CCDC43: variants seen among roughly 807,000 people sequenced by gnomAD.
The protein encoded by CCDC43 is coiled-coil domain-containing protein 43.
A neutral mutation model predicts 33.3 loss-of-function variants in CCDC43; 20 were observed. That is an observed-to-expected ratio of 0.60 (90% CI 0.42 to 0.87). CCDC43 has a LOEUF of 0.87. Ranked by LOEUF, CCDC43 falls within the 40% of genes least tolerant of loss-of-function variation. CCDC43 has a pLI of 0.00. For missense variants in CCDC43, 248 were observed against 269.9 expected (o/e 0.92, Z 0.57); for synonymous variants, 104 against 106.5 (o/e 0.98, Z 0.14).
chr17:44,682,898 T>C (rs1319295295), intron 2 of CCDC43, among the ~76,000 whole-genome samples: 3 of 151,920 alleles, frequency 2.0e-5, no homozygotes, highest in Admixed American at 2.0e-4. Flanking sequence ...TAAAATCAAC[T>C]AGTAAGTTCT....
chr17:44,680,562 T>C (rs1445180627), intron 4 of CCDC43, 23 bp downstream of exon 4: 7 of 1,579,582 alleles, frequency 4.4e-6, no homozygotes, highest in South Asian at 1.1e-5. Flanking sequence ...GAGAAACACA[T>C]AGGGAGGGAC....
At chr17:44,686,193 G>GT (rs1568141330) in intron 1 of CCDC43, among the ~76,000 whole-genome samples, 1 of 152,120 alleles carries the variant, frequency 6.6e-6, no homozygotes, top group East Asian at 1.9e-4. Flanking sequence ...GATTACAGGC[G>GT]TTAGCCACCG....
intron 2 of CCDC43, 71 bp from the exon 3 acceptor site, chr17:44,682,209 A>C: frequency 1.9e-6 from 3 of 1,582,480 alleles, no homozygotes; most frequent in Non-Finnish European, 2.6e-6. Flanking sequence ...TAGTCCACAT[A>C]GGCAGCACTT....
intron 4 of CCDC43, 142 bp from the exon 5 acceptor site, chr17:44,679,185 T>G: frequency 5.9e-6 from 3 of 506,342 alleles, no homozygotes; most frequent in Non-Finnish European, 6.6e-6. Context: ...AAAACCCTTA[T>G]GTTTATCCTT....
Position 44,678,624 on chromosome 17 carries a change from G to A in CCDC43, c.*232C>T. On this transcript the variant is annotated 3_prime_UTR_variant, in exon 5 of 5. Coordinates refer to ENST00000315286, the MANE Select transcript of CCDC43 (RefSeq NM_144609.3). Reference sequence around the variant, plus strand: ...ACTTGAGTATTAAAATATAAAGGTGGCCCCCATTCCAGATCTTTGGTACAG... The same window carrying A: ...ACTTGAGTATTAAAATATAAAGGTGACCCCCATTCCAGATCTTTGGTACAG... 2.5e-6 allele frequency: 1 copy of A among 406,472 alleles called. No individual in the cohort carries two copies. 25.2% of individuals were successfully genotyped at this position (406,472 alleles called of 1,614,324 possible). A position where few individuals can be genotyped will look rare whatever the true frequency, so the allele number is the denominator to read the frequency against.
At chr17:44,681,255 G>T (rs556976925) in intron 3 of CCDC43, among the ~76,000 whole-genome samples, 1 of 152,250 alleles carries the variant, frequency 6.6e-6, no homozygotes, top group Non-Finnish European at 1.5e-5. Flanking sequence ...TGGCTAACAT[G>T]GTGAAACACT....
chr17:44,689,528 G>A (rs375401467), intron 1 of CCDC43, 22 bp downstream of exon 1: 6 of 1,613,698 alleles, frequency 3.7e-6, no homozygotes, highest in Non-Finnish European at 5.1e-6. Context: ...AGAGGCTGAA[G>A]GAATGTGTCC....
In CCDC43 at chr17:44,682,023, A is replaced by T; in HGVS notation, c.408T>A (p.Ala136=). ...QRKAALLAQY[A]DVTDEEDEAD... Reference sequence around the variant, plus strand: ...GATATTCCTCTTCATCTGTCACATCAGCATACTGGGCCAGGAGGGCAGCTT... The same window carrying T: ...GATATTCCTCTTCATCTGTCACATCTGCATACTGGGCCAGGAGGGCAGCTT... The change falls in exon 3 of 5, where the codon GCT becomes GCA. Residue 136 remains alanine (A), a synonymous_variant. Coordinates refer to ENST00000315286, the MANE Select transcript of CCDC43 (RefSeq NM_144609.3). 3 of 1,614,048 alleles carry T rather than the reference A, an allele frequency of 1.9e-6. No individual in the cohort carries two copies. The highest frequency in any genetic ancestry group is 2.5e-6 in the Non-Finnish European group (3 of 1,179,898).
At chr17:44,685,974 C>T (rs1475915429) in intron 1 of CCDC43, among the ~76,000 whole-genome samples, 2 of 152,024 alleles carry the variant, frequency 1.3e-5, no homozygotes, top group East Asian at 1.9e-4. Context: ...AGTGCAGTGG[C>T]GCGATCTCGG....
intron 1 of CCDC43, among the ~76,000 whole-genome samples, chr17:44,685,726 T>C (rs1972224782): frequency 6.6e-6 from 1 of 152,228 alleles, no homozygotes; most frequent in East Asian, 1.9e-4. Flanking sequence ...GCATTTACCA[T>C]GTGCCAGGCA....
At chr17:44,687,653 C>T (rs1256907293) in intron 1 of CCDC43, 1 of 150,476 alleles carries the variant, frequency 6.6e-6, no homozygotes, top group African/African-American at 2.4e-5. Context: ...TCAACAGAAA[C>T]AGCTCCAAAT....
In CCDC43 at chr17:44,678,513, C is replaced by T. The variant is rs1343287844; in HGVS notation, c.*343G>A. 13 of 195,906 alleles carry T rather than the reference C, an allele frequency of 6.6e-5. No individual in the cohort carries two copies. In the Admixed American group the frequency reaches 7.5e-4, roughly 11 times the overall value. 12.1% of individuals were successfully genotyped at this position (195,906 alleles called of 1,614,324 possible). On this transcript the variant is annotated 3_prime_UTR_variant, in exon 5 of 5. Coordinates refer to ENST00000315286, the MANE Select transcript of CCDC43 (RefSeq NM_144609.3). ...GGGAGGGATTGATTATGTTTCTGCTCCTTCAGAATGAAAACTGTTAGCTTT... is the reference window on the plus strand; with the variant it reads ...GGGAGGGATTGATTATGTTTCTGCTTCTTCAGAATGAAAACTGTTAGCTTT...
chr17:44,688,963 C>T (rs1266933078), intron 1 of CCDC43: 2 of 153,286 alleles, frequency 1.3e-5, no homozygotes, highest in African/African-American at 4.8e-5. Context: ...TCATACCCTC[C>T]TTCCCACCAC....
rs183846636 is a variant in CCDC43, at chr17:44,683,450, A to C, written c.292+422T>G. Among the ~76,000 whole-genome samples, 34 of 152,140 alleles carry C rather than the reference A, an allele frequency of 2.2e-4. No individual in the cohort carries two copies. In the East Asian group the frequency reaches 6.4e-3, roughly 29 times the overall value. On this transcript the variant is annotated intron_variant, in intron 2 of 4. Coordinates refer to ENST00000315286, the MANE Select transcript of CCDC43 (RefSeq NM_144609.3). ...AGGCTGAGGCACAAGAATCACTTGAATCTGGGAGGCAGCAGTTACAGTGAG... is the reference window on the plus strand; with the variant it reads ...AGGCTGAGGCACAAGAATCACTTGACTCTGGGAGGCAGCAGTTACAGTGAG...
At chr17:44,685,920 TC>T (rs1972227736) in intron 1 of CCDC43, among the ~76,000 whole-genome samples, 1 of 151,690 alleles carries the variant, frequency 6.6e-6, no homozygotes, top group East Asian at 1.9e-4. Flanking sequence ...GAGCCCATGT[TC>T]TTTTTTTTTT....
intron 1 of CCDC43, among the ~76,000 whole-genome samples, chr17:44,685,391 C>T (rs1000337000): frequency 2.0e-5 from 3 of 152,166 alleles, no homozygotes; most frequent in Non-Finnish European, 2.9e-5. Context: ...CCAACCATCC[C>T]GCTGTCCATT....
Position 44,678,151 on chromosome 17 carries a change from G to A in CCDC43, c.*705C>T, listed in dbSNP as rs1240119902. 1 of 152,506 alleles carries A rather than the reference G, an allele frequency of 6.6e-6. No individual in the cohort carries two copies. The highest frequency in any genetic ancestry group is 1.5e-5 in the Non-Finnish European group (1 of 68,018). 9.4% of individuals were successfully genotyped at this position (152,506 alleles called of 1,614,324 possible). ...GATTAAAATCTCTACCAGCACACAA[G>A]AGGATACATGATTATACAAAATGAA... On this transcript the variant is annotated 3_prime_UTR_variant, in exon 5 of 5. Coordinates refer to ENST00000315286, the MANE Select transcript of CCDC43 (RefSeq NM_144609.3).
intron 2 of CCDC43, among the ~76,000 whole-genome samples, chr17:44,682,579 C>T (rs1451321487): frequency 3.3e-5 from 5 of 152,166 alleles, no homozygotes; most frequent in Non-Finnish European, 4.4e-5. Context: ...ATATTTTGGC[C>T]GGGCGCGGTG....
intron 4 of CCDC43, among the ~76,000 whole-genome samples, 200 bp from the exon 5 acceptor site, chr17:44,679,243 T>C (rs1387042032): frequency 6.6e-6 from 1 of 152,132 alleles, no homozygotes; most frequent in Admixed American, 6.5e-5. Flanking sequence ...TTTTAAAATG[T>C]CCTTTGGAAT....
Sources: gnomAD v4.1 joint callset for allele counts (sites outside exome capture counted in the v4.1 genomes callset) on GRCh38, gnomAD v4.1.1 for gene constraint, MANE v1.5 for transcripts, NCBI Gene and HGNC (gene_info 2026-07-23, HGNC 2026-07-21) for gene names.